Variants in PLCB4 observed in about 807,000 individuals in gnomAD.
The protein encoded by PLCB4 is 1-phosphatidylinositol 4,5-bisphosphate phosphodiesterase beta-4.
PLCB4 carries 77 observed loss-of-function variants against 178.8 expected under a neutral mutation model. The ratio of observed to expected loss-of-function variants is 0.43; its 90% CI spans 0.36 to 0.52. The LOEUF is 0.52. PLCB4 is among the 20% of genes least tolerant of loss of function. PLCB4 has a pLI of 0.00. For synonymous variants in PLCB4, 496 were observed against 490.8 expected (o/e 1.01, Z -0.14); for missense variants, 1,024 against 1,453.4 (o/e 0.70, Z 4.80).
At chr20:9,100,315 T>G (rs1175728115) in intron 2 of PLCB4, among the ~76,000 whole-genome samples, 1 of 152,196 alleles carries the variant, frequency 6.6e-6, no homozygotes, top group Non-Finnish European at 1.5e-5. Context: ...TAGTCTCCCT[T>G]GTTCTAATGG....
chr20:9,147,958 T>C (rs1390499427), intron 2 of PLCB4, among the ~76,000 whole-genome samples: 1 of 152,104 alleles, frequency 6.6e-6, no homozygotes, highest in East Asian at 1.9e-4. Context: ...AGGTCAGACT[T>C]TTCTCCATGC....
At chr20:9,471,631 G>C (rs767864804) in intron 36 of PLCB4, among the ~76,000 whole-genome samples, 5 of 152,096 alleles carry the variant, frequency 3.3e-5, no homozygotes, top group Non-Finnish European at 7.3e-5. Context: ...AGAAGTTATA[G>C]GTCTTTTCAC....
intron 3 of PLCB4, among the ~76,000 whole-genome samples, chr20:9,241,349 C>T (rs2094058517): frequency 6.6e-6 from 1 of 151,506 alleles, no homozygotes; most frequent in African/African-American, 2.4e-5. Flanking sequence ...TTCTTTTATT[C>T]CTCTGATGGC....
chr20:9,460,366 CA>C (rs1187640043), intron 35 of PLCB4, among the ~76,000 whole-genome samples: 3 of 152,198 alleles, frequency 2.0e-5, no homozygotes, highest in Non-Finnish European at 4.4e-5. Context: ...AAAGACCAAT[CA>C]GTTCAGCTCC....
At chr20:9,415,825 G>A (rs1308744436) in intron 25 of PLCB4, among the ~76,000 whole-genome samples, 4 of 152,142 alleles carry the variant, frequency 2.6e-5, no homozygotes, top group Non-Finnish European at 5.9e-5. Context: ...CTGTAGAACT[G>A]CACAATTAGC....
intron 28 of PLCB4, among the ~76,000 whole-genome samples, chr20:9,432,300 C>T (rs1339487915): frequency 1.3e-5 from 2 of 152,084 alleles, no homozygotes; most frequent in Non-Finnish European, 2.9e-5. Context: ...GATTCTGTAA[C>T]TTGTTTTAAG....
chr20:9,265,234 G>A (rs6056509), intron 3 of PLCB4, among the ~76,000 whole-genome samples: 19,501 of 152,094 alleles, frequency 0.13, 2,054 homozygotes, highest in East Asian at 0.32. Context: ...TGCAATTCCA[G>A]CACTTTGGGA....
intron 27 of PLCB4, among the ~76,000 whole-genome samples, chr20:9,423,323 TA>T (rs1242344259): frequency 6.6e-6 from 1 of 152,184 alleles, no homozygotes; most frequent in East Asian, 1.9e-4. Context: ...TTCGTATTCT[TA>T]AAAACAAACA....
chr20:9,074,258 G>A (rs718375), intron 1 of PLCB4, among the ~76,000 whole-genome samples: 1 of 152,062 alleles, frequency 6.6e-6, no homozygotes, highest in African/African-American at 2.4e-5. Context: ...AATGATACAG[G>A]GTACTGTTAC....
At position 9,071,563 on chromosome 20, in the gene PLCB4, T is replaced by G. The variant is rs2089575435; in HGVS notation, c.-135+2357T>G. ...TTAGCTTCTGAGTTTAGTGTCTGAA[T>G]TTTCATCCCCAGTTTTTCAGATGTA... On this transcript the variant is annotated intron_variant, in intron 1 of 39. Coordinates refer to ENST00000378473, the MANE Select transcript of PLCB4 (RefSeq NM_001377142.1). Among the ~76,000 whole-genome samples, 8 of 152,236 alleles carry G rather than the reference T, an allele frequency of 5.3e-5. No individual in the cohort carries two copies. In the South Asian group the frequency reaches 1.7e-3, roughly 32 times the overall value.
intron 3 of PLCB4, among the ~76,000 whole-genome samples, chr20:9,299,544 C>T (rs1447419598): frequency 1.3e-5 from 2 of 151,402 alleles, no homozygotes; most frequent in Non-Finnish European, 3.0e-5. Flanking sequence ...TATTTTTTTT[C>T]TTAACTGTAT....
At chr20:9,291,122 A>G (rs1384009766) in intron 3 of PLCB4, among the ~76,000 whole-genome samples, 1 of 152,108 alleles carries the variant, frequency 6.6e-6, no homozygotes, top group Non-Finnish European at 1.5e-5. Context: ...TCAAAGGCAG[A>G]CTCATTTTTA....
intron 28 of PLCB4, among the ~76,000 whole-genome samples, chr20:9,424,606 A>G (rs1248364713): frequency 6.6e-6 from 1 of 152,240 alleles, no homozygotes. Context: ...CGATTAGCCA[A>G]GGGTTCAAAT....
chr20:9,195,672 C>T (rs2093462601), intron 2 of PLCB4, among the ~76,000 whole-genome samples: 1 of 152,164 alleles, frequency 6.6e-6, no homozygotes, highest in Non-Finnish European at 1.5e-5. Context: ...CTCCTGACCT[C>T]CTATCTCAGG....
At chr20:9,194,617 C>T (rs1057020601) in intron 2 of PLCB4, among the ~76,000 whole-genome samples, 19 of 144,044 alleles carry the variant, frequency 1.3e-4, no homozygotes, top group Admixed American at 3.7e-4. Flanking sequence ...GGTGTGAACC[C>T]GGGAGGCGGA....
chr20:9,135,563 A>G (rs2092365195), intron 2 of PLCB4, among the ~76,000 whole-genome samples: 1 of 152,066 alleles, frequency 6.6e-6, no homozygotes, highest in African/African-American at 2.4e-5. Flanking sequence ...TGATTTTTCT[A>G]ATTTCCCCAC....
chr20:9,133,710 T>A (rs565930156), intron 2 of PLCB4, among the ~76,000 whole-genome samples: 1 of 152,198 alleles, frequency 6.6e-6, no homozygotes, highest in Admixed American at 6.6e-5. Flanking sequence ...TGAAGCTGCA[T>A]AAGTGGATAG....
At position 9,294,372 on chromosome 20, in the gene PLCB4, A is replaced by G. The variant is rs373219801; in HGVS notation, c.-15-13428A>G. ...ATTCTTAACTGGTTTCTTCTTACTT[A>G]ACTCTTAAGGATGAAGCTTGAAAAA... On this transcript the variant is annotated intron_variant, in intron 3 of 39. Coordinates refer to ENST00000378473, the MANE Select transcript of PLCB4 (RefSeq NM_001377142.1). Among the ~76,000 whole-genome samples the G allele has an allele frequency of 1.3e-3, 200 of 151,968 alleles. 1 individual carries two copies. The highest frequency in any genetic ancestry group is 4.6e-3 in the African/African-American group (190 of 41,426).
intron 24 of PLCB4, 106 bp downstream of exon 24, chr20:9,409,287 C>T (rs973223515): frequency 1.3e-5 from 10 of 758,678 alleles, no homozygotes; most frequent in Non-Finnish European, 1.8e-5. Context: ...AGGAAGCAGA[C>T]ATATGGCAAA....
Sources: allele counts gnomAD v4.1 joint callset (sites outside exome capture counted in the v4.1 genomes callset), GRCh38; gene constraint gnomAD v4.1.1; transcripts MANE v1.5; gene names NCBI Gene and HGNC (gene_info 2026-07-23, HGNC 2026-07-21).